SKA3: variants seen among roughly 807,000 people sequenced by gnomAD.
The protein encoded by SKA3 is spindle and kinetochore associated complex subunit 3.
SKA3 carries 39 observed loss-of-function variants against 44.2 expected under a neutral mutation model. The ratio of observed to expected loss-of-function variants is 0.88; its 90% CI spans 0.68 to 1.15. The LOEUF is 1.15. Among genes scored for constraint, SKA3 ranks in the 50% most tolerant of loss-of-function variants. The pLI is 0.00. For missense variants in SKA3, 511 were observed against 485.8 expected (o/e 1.05, Z -0.49); for synonymous variants, 192 against 172.0 (o/e 1.12, Z -0.91).
chr13:21,174,010 A>G (rs2137385429), intron 1 of SKA3, among the ~76,000 whole-genome samples: 1 of 152,358 alleles, frequency 6.6e-6, no homozygotes. Context: ...ACTGGCCATC[A>G]GAGAAATGCA....
chr13:21,154,976 C>T lies in SKA3; in HGVS notation c.*174G>A. On this transcript the variant is annotated 3_prime_UTR_variant, in exon 9 of 9. Transcript: ENST00000314759. ...ACATGTCAACAAGACTAAGGTTAAA[C>T]CTTATTGAAACTTCATAAAAAGCAT... The T allele has an allele frequency of 1.8e-6, 2 of 1,092,280 alleles. No individual in the cohort carries two copies. The highest frequency in any genetic ancestry group is 2.7e-6 in the Non-Finnish European group (2 of 746,288). The allele number at this position is 1,092,280 out of a possible 1,614,324, so 67.7% of individuals were successfully genotyped here. A position where few individuals can be genotyped will look rare whatever the true frequency, so the allele number is the denominator to read the frequency against.
rs769173528 is a variant in SKA3 at position 21,168,068 on chromosome 13, TTCTAATTTAGGAGTTAC to T, written c.646_662del (p.Val216ThrfsTer6). On this transcript the variant is annotated frameshift_variant, in exon 4 of 9. Transcript: ENST00000314759. LOFTEE classifies it high-confidence loss of function. The stretch of plus-strand genomic sequence containing the variant: ...TAGTATATTCAGAGATACCAAAGTG[TTCTAATTTAGGAGTTAC>T]ACACTCAAAATCATCCATTTTTAGT... The T allele has an allele frequency of 6.2e-7, 1 of 1,614,070 alleles. No individual in the cohort carries two copies. Among genetic ancestry groups the T allele is most frequent in the Non-Finnish European group, 8.5e-7 (1 of 1,179,970 alleles).
At chr13:21,171,543 C>T (rs960619292) in intron 3 of SKA3, among the ~76,000 whole-genome samples, 1 of 148,816 alleles carries the variant, frequency 6.7e-6, no homozygotes. Flanking sequence ...CGCCACTGCA[C>T]GACTGAGCGA....
intron 3 of SKA3, among the ~76,000 whole-genome samples, chr13:21,170,754 T>C (rs967870209): frequency 3.3e-5 from 5 of 152,178 alleles, no homozygotes; most frequent in African/African-American, 1.2e-4. Flanking sequence ...ATTATCCCCA[T>C]CTTATAAGTG....
chr13:21,157,900 AAAAATAGCCTGG>A lies in SKA3; in HGVS notation c.1119+10_1119+21del. 1 of 1,465,466 alleles carries A rather than the reference AAAAATAGCCTGG, an allele frequency of 6.8e-7. No homozygotes were observed. Among genetic ancestry groups the A allele is most frequent in the Non-Finnish European group, 9.1e-7 (1 of 1,096,796 alleles). 90.8% of individuals were successfully genotyped at this position (1,465,466 alleles called of 1,614,324 possible). A position where few individuals can be genotyped will look rare whatever the true frequency, so the allele number is the denominator to read the frequency against. On this transcript the variant is annotated intron_variant, in intron 7 of 8. Coordinates refer to ENST00000314759, the MANE Select transcript of SKA3 (RefSeq NM_145061.6). ...GAAAAGAATATCAGCAAAAAAAAAA[AAAAATAGCCTGG>A]AAAAATAACCTGGAGAATATCTTCT...
rs1238394364 is a variant in SKA3 at position 21,153,852 on chromosome 13, CAG to C, written c.*1296_*1297del. On this transcript the variant is annotated 3_prime_UTR_variant, in exon 9 of 9. Coordinates refer to ENST00000314759, the MANE Select transcript of SKA3 (RefSeq NM_145061.6). ...CACAGTGAAAGGCTGGTATACATTT[CAG>C]AGTCAATGGCATACATAAGGCTGAC... 4 of 152,226 alleles carry C rather than the reference CAG, an allele frequency of 2.6e-5. No homozygotes were observed. The highest frequency in any genetic ancestry group is 9.7e-5 in the African/African-American group (4 of 41,432). The allele number at this position is 152,226 out of a possible 1,614,324, so 9.4% of individuals were successfully genotyped here.
Position 21,176,510 on chromosome 13 carries a change from C to G in SKA3, c.-33G>C. ...ACAGCGGGGAAGGACTCCAGGCGTACGCAGACCCCACCGCTCAGCTCACAG... is the reference window on the plus strand; with the variant it reads ...ACAGCGGGGAAGGACTCCAGGCGTAGGCAGACCCCACCGCTCAGCTCACAG... On this transcript the variant is annotated 5_prime_UTR_variant, in exon 1 of 9. Coordinates refer to ENST00000314759, the MANE Select transcript of SKA3 (RefSeq NM_145061.6). 1 of 1,430,972 alleles carries G rather than the reference C, an allele frequency of 7.0e-7. No individual in the cohort carries two copies. Among genetic ancestry groups the G allele is most frequent in the Non-Finnish European group, 9.3e-7 (1 of 1,076,596 alleles). 88.6% of individuals were successfully genotyped at this position (1,430,972 alleles called of 1,614,324 possible).
chr13:21,167,582 TGGTGAAACCCC>T (rs1870780265), intron 4 of SKA3, among the ~76,000 whole-genome samples: 1 of 151,942 alleles, frequency 6.6e-6, no homozygotes, highest in Non-Finnish European at 1.5e-5. Flanking sequence ...CTGGCTAACA[TGGTGAAACCCC>T]GTCTGTACTA....
At chr13:21,157,810 C>T (rs752658816) in intron 7 of SKA3, 112 bp downstream of exon 7, 5 of 710,944 alleles carry the variant, frequency 7.0e-6, no homozygotes, top group Non-Finnish European at 1.1e-5. Context: ...CCAAAATTAG[C>T]ACACTAGCCC....
intron 1 of SKA3, among the ~76,000 whole-genome samples, chr13:21,174,745 G>GAA (rs990846885): frequency 1.4e-5 from 2 of 138,026 alleles, no homozygotes; most frequent in East Asian, 4.4e-4. Context: ...TTTAAAAAAA[G>GAA]AAAAAAAAAG....
chr13:21,176,332 G>C, intron 1 of SKA3, 43 bp downstream of exon 1: 2 of 1,305,890 alleles, frequency 1.5e-6, no homozygotes, highest in Non-Finnish European at 2.0e-6. Flanking sequence ...CTCCGCCCGC[G>C]GCGCACCCCA....
chr13:21,157,486 A>G (rs1344757944), intron 7 of SKA3, among the ~76,000 whole-genome samples: 1 of 152,232 alleles, frequency 6.6e-6, no homozygotes, highest in African/African-American at 2.4e-5. Flanking sequence ...AATGTACAGT[A>G]AAAATACAGT....
intron 4 of SKA3, 64 bp from the exon 5 acceptor site, chr13:21,161,939 A>G: frequency 9.8e-7 from 1 of 1,023,756 alleles, no homozygotes; most frequent in Non-Finnish European, 1.3e-6. Context: ...TGGGAAAAAA[A>G]TTTAACCTTA....
intron 5 of SKA3, among the ~76,000 whole-genome samples, chr13:21,161,476 C>T (rs1368308234): frequency 6.6e-6 from 1 of 152,102 alleles, no homozygotes; most frequent in Non-Finnish European, 1.5e-5. Flanking sequence ...TAATGTACAA[C>T]TCTAATCAAT....
At chr13:21,167,776 A>AAC (rs913090755) in intron 4 of SKA3, among the ~76,000 whole-genome samples, 2 of 151,646 alleles carry the variant, frequency 1.3e-5, no homozygotes, top group Non-Finnish European at 2.9e-5. Context: ...CGAAAAAAAA[A>AAC]AACAAAAAAA....
chr13:21,175,742 G>T (rs1871465757), intron 1 of SKA3, among the ~76,000 whole-genome samples: 2 of 152,096 alleles, frequency 1.3e-5, no homozygotes, highest in African/African-American at 4.8e-5. Flanking sequence ...ATAAAAAGGG[G>T]AATGGTGAAT....
intron 4 of SKA3, among the ~76,000 whole-genome samples, chr13:21,166,357 A>G (rs1418316423): frequency 6.6e-6 from 1 of 152,090 alleles, no homozygotes; most frequent in East Asian, 1.9e-4. Context: ...ATCATTTTGT[A>G]TTATTTTCTA....
chr13:21,171,304 C>A (rs1251896273), intron 3 of SKA3, among the ~76,000 whole-genome samples: 7 of 152,188 alleles, frequency 4.6e-5, no homozygotes, highest in African/African-American at 1.7e-4. Flanking sequence ...GGGCCAGGCG[C>A]TGTGGCTCAC....
At position 21,154,100 on chromosome 13, in the gene SKA3, A is replaced by C. The variant is rs1202308620; in HGVS notation, c.*1050T>G. 3.3e-5 allele frequency: 5 copies of C among 152,276 alleles called. No individual in the cohort carries two copies. Among genetic ancestry groups the C allele is most frequent in the African/African-American group, 1.2e-4 (5 of 41,448 alleles). The allele number at this position is 152,276 out of a possible 1,614,324, so 9.4% of individuals were successfully genotyped here. A position where few individuals can be genotyped will look rare whatever the true frequency, so the allele number is the denominator to read the frequency against. ...CATAAAACAGGGTAATCTTTACTGC[A>C]TCAAATTCCCAAAACTACGCCTTTG... On this transcript the variant is annotated 3_prime_UTR_variant, in exon 9 of 9. Transcript: ENST00000314759.
Sources: gnomAD v4.1 joint callset for allele counts (sites outside exome capture counted in the v4.1 genomes callset) on GRCh38, gnomAD v4.1.1 for gene constraint, MANE v1.5 for transcripts, NCBI Gene and HGNC (gene_info 2026-07-23, HGNC 2026-07-21) for gene names.